Variants in DDB1 observed in about 807,000 individuals in gnomAD.
The protein encoded by DDB1 is damage specific DNA binding protein 1, also known as DNA damage-binding protein 1.
DDB1 carries 18 observed loss-of-function variants against 133.1 expected under a neutral mutation model. The ratio of observed to expected loss-of-function variants is 0.14; its 90% CI spans 0.09 to 0.20. The LOEUF is 0.20. DDB1 is among the 10% of genes least tolerant of loss of function. The probability of loss-of-function intolerance (pLI) is 1.00; values close to 1 mark genes in which losing one functional copy is unlikely to be tolerated. For synonymous variants in DDB1, 580 were observed against 550.5 expected (o/e 1.05, Z -0.75); for missense variants, 828 against 1,459.2 (o/e 0.57, Z 7.05).
At chr11:61,329,772 T>A (rs1856334795) in intron 3 of DDB1, among the ~76,000 whole-genome samples, 186 bp downstream of exon 3, 1 of 152,216 alleles carries the variant, frequency 6.6e-6, no homozygotes, top group African/African-American at 2.4e-5. Flanking sequence ...TCTCAATGAA[T>A]TATTACCCTG....
At chr11:61,322,508 AGTTTC>A (rs1565036570) in intron 8 of DDB1, 96 bp from the exon 9 acceptor site, 14 of 904,294 alleles carry the variant, frequency 1.5e-5, no homozygotes, top group Non-Finnish European at 2.4e-5. Flanking sequence ...CTCAATAACT[AGTTTC>A]TAGATCTGCC....
chr11:61,329,102 C>T lies in DDB1; in HGVS notation c.549+261G>A, dbSNP rs377349719. 1.4e-4 allele frequency among the ~76,000 whole-genome samples: 22 copies of T among 152,234 alleles called. 1 individual carries two copies. The East Asian group carries it at 4.2e-3, about 29-fold the overall frequency. On this transcript the variant is annotated intron_variant, in intron 4 of 26. Transcript: ENST00000301764. ...AAACTGGGTCATCCTATGAAATCTCCCAAGGCCCACAACCAGAGTGTAATC... is the reference window on the plus strand; with the variant it reads ...AAACTGGGTCATCCTATGAAATCTCTCAAGGCCCACAACCAGAGTGTAATC...
At position 61,314,115 on chromosome 11, in the gene DDB1, G is replaced by A. The variant is rs1005328348; in HGVS notation, c.1685C>T (p.Thr562Met). 5 of 1,614,114 alleles carry A rather than the reference G, an allele frequency of 3.1e-6. No homozygotes were observed. Among genetic ancestry groups the A allele is most frequent in the Non-Finnish European group, 1.7e-6 (2 of 1,180,014 alleles). The change falls in exon 14 of 27, where the codon ACG (threonine) becomes ATG (methionine). Residue 562 changes from threonine (T) to methionine (M), a missense_variant. Physicochemically the swap from Thr to Met is moderately conservative, Grantham distance 81 (BLOSUM62 -1). Transcript: ENST00000301764. ...LSPLCAIGLW[T>M]DISARILKLP... ...CTTCAAGATACGAGCCGAGATGTCC[G>A]TCCAGAGGCCAATGGCACAAAGAGG... is the stretch of plus-strand genomic sequence containing the variant.
At chr11:61,322,248 A>T (rs771123174) in intron 9 of DDB1, 48 bp downstream of exon 9, 1 of 1,433,902 alleles carries the variant, frequency 7.0e-7, no homozygotes, top group Non-Finnish European at 9.8e-7. Context: ...AGGAGGACAC[A>T]GTTTGAGTGG....
At chr11:61,319,684 C>T (rs981980396) in intron 10 of DDB1, among the ~76,000 whole-genome samples, 8 of 152,204 alleles carry the variant, frequency 5.3e-5, no homozygotes, top group African/African-American at 1.9e-4. Context: ...CCCGCCTCGG[C>T]CTCCCAAAGT....
At chr11:61,331,436 T>C (rs2134942441) in intron 2 of DDB1, 107 bp downstream of exon 2, 2 of 1,458,654 alleles carry the variant, frequency 1.4e-6, no homozygotes, top group Non-Finnish European at 1.8e-6. Flanking sequence ...TGGGCAACAC[T>C]GTGAGACCCC....
intron 10 of DDB1, among the ~76,000 whole-genome samples, chr11:61,319,008 G>A (rs560179106): frequency 4.6e-4 from 70 of 152,278 alleles, no homozygotes; most frequent in African/African-American, 1.6e-3. Context: ...AGACCAGCCT[G>A]GGCAACATAG....
At position 61,329,357 on chromosome 11, in the gene DDB1, C is replaced by T. The variant is rs753540557; in HGVS notation, c.549+6G>A. Reference sequence around the variant, plus strand: ...AGTTTCTCGCTCTCTCTTCCTGATCCAGTACCTGGTAGACAAAGCAAATAG... The same window carrying T: ...AGTTTCTCGCTCTCTCTTCCTGATCTAGTACCTGGTAGACAAAGCAAATAG... On this transcript the variant is annotated splice_donor_region_variant and intron_variant, in intron 4 of 26. Transcript: ENST00000301764. 2 of 1,613,704 alleles carry T rather than the reference C, an allele frequency of 1.2e-6. No homozygotes were observed. The highest frequency in any genetic ancestry group is 1.3e-5 in the African/African-American group (1 of 74,930).
At chr11:61,327,464 A>G (rs951882907) in intron 4 of DDB1, 4 of 157,910 alleles carry the variant, frequency 2.5e-5, no homozygotes, top group African/African-American at 9.7e-5. Flanking sequence ...AAAAAAAGAG[A>G]TACAGTGTGT....
intron 2 of DDB1, 167 bp from the exon 3 acceptor site, chr11:61,330,241 G>T (rs1214297960): frequency 2.1e-6 from 1 of 478,524 alleles, no homozygotes; most frequent in East Asian, 3.2e-5. Flanking sequence ...TACACCCTAA[G>T]GGCATGTACA....
intron 6 of DDB1, 114 bp from the exon 7 acceptor site, chr11:61,324,251 G>T: frequency 8.9e-7 from 1 of 1,118,980 alleles, no homozygotes. Context: ...CAGACAAATC[G>T]CTCAGATAAC....
At chr11:61,317,876 G>A (rs1379123206) in intron 10 of DDB1, among the ~76,000 whole-genome samples, 1 of 152,082 alleles carries the variant, frequency 6.6e-6, no homozygotes. Flanking sequence ...CCCCAAACAA[G>A]TAATCAATAA....
At chr11:61,321,723 A>C (rs1386775410) in intron 9 of DDB1, 26 bp from the exon 10 acceptor site, 1 of 1,606,242 alleles carries the variant, frequency 6.2e-7, no homozygotes, top group South Asian at 1.1e-5. Context: ...ACGTTTCTAA[A>C]GAACCCCCTC....
chr11:61,322,140 A>T, intron 9 of DDB1, 156 bp downstream of exon 9: 1 of 677,226 alleles, frequency 1.5e-6, no homozygotes, highest in Non-Finnish European at 2.6e-6. Context: ...CAAGATAGGC[A>T]CTCAATAAAC....
intron 4 of DDB1, among the ~76,000 whole-genome samples, chr11:61,327,731 CT>C (rs1856292605): frequency 6.6e-6 from 1 of 152,170 alleles, no homozygotes; most frequent in African/African-American, 2.4e-5. Context: ...CCAAGGTCAC[CT>C]TTAAGATGCT....
At chr11:61,304,911 T>C (rs1389029993) in intron 21 of DDB1, among the ~76,000 whole-genome samples, 1 of 151,576 alleles carries the variant, frequency 6.6e-6, no homozygotes, top group Non-Finnish European at 1.5e-5. Context: ...AAGAAACTGC[T>C]TTTTTCTGTC....
chr11:61,313,561 T>C lies in DDB1; in HGVS notation c.2007A>G (p.Ser669=). The change falls in exon 16 of 27, where the codon TCA becomes TCG. Residue 669 remains serine (S), a synonymous_variant. Transcript: ENST00000301764. ...IYSSNHKLVF[S]NVNLKEVNYM... is the part of the protein sequence containing the mutation. ...AGTTCACTTCCTTGAGGTTGACATT[T>C]GAGAAGACCAATTTGTGGTTGCTGC... The C allele has an allele frequency of 1.2e-6, 2 of 1,614,172 alleles. No individual in the cohort carries two copies. The highest frequency in any genetic ancestry group is 1.7e-6 in the Non-Finnish European group (2 of 1,180,030).
chr11:61,326,321 T>C (rs1027650506), intron 5 of DDB1: 1 of 231,520 alleles, frequency 4.3e-6, no homozygotes, highest in African/African-American at 2.4e-5. Context: ...AGTTTTTTGT[T>C]GTTGTTTTTT....
chr11:61,329,658 T>G, intron 3 of DDB1, 74 bp from the exon 4 acceptor site: 1 of 1,419,012 alleles, frequency 7.0e-7, no homozygotes, highest in South Asian at 1.3e-5. Context: ...GCACCACTTG[T>G]GCAGAAAAAT....
Sources: gnomAD v4.1 joint callset for allele counts (sites outside exome capture counted in the v4.1 genomes callset) on GRCh38, gnomAD v4.1.1 for gene constraint, MANE v1.5 for transcripts, NCBI Gene and HGNC (gene_info 2026-07-23, HGNC 2026-07-21) for gene names.